Variants in DNM3 observed in about 807,000 individuals in gnomAD.
The protein encoded by DNM3 is dynamin-3.
A neutral mutation model predicts 101.6 loss-of-function variants in DNM3; 47 were observed. The observed-to-expected ratio is 0.46, with a 90% CI of 0.37 to 0.59. The LOEUF (loss-of-function observed/expected upper bound fraction) is 0.59. Among genes scored for constraint, DNM3 ranks in the 20% least tolerant of loss-of-function variants. The pLI, the probability that DNM3 is intolerant of heterozygous loss-of-function variation, is 0.00. For synonymous variants in DNM3, 385 were observed against 387.9 expected, an observed-to-expected ratio of 0.99 and a Z score of 0.09; for missense variants, 849 against 1,085.7, an observed-to-expected ratio of 0.78 and a Z score of 3.06.
chr1:172,255,792 T>C (rs2062373502), intron 15 of DNM3, among the ~76,000 whole-genome samples: 1 of 152,186 alleles, frequency 6.6e-6, no homozygotes, highest in Non-Finnish European at 1.5e-5. Flanking sequence ...CTGGAATCCT[T>C]GTCTTATTTC....
At chr1:171,993,612 C>T (rs1452265671) in intron 4 of DNM3, among the ~76,000 whole-genome samples, 2 of 148,038 alleles carry the variant, frequency 1.4e-5, no homozygotes, top group Non-Finnish European at 3.0e-5. Flanking sequence ...TAGATTAATG[C>T]TTTTTAAGTC....
At chr1:172,016,590 G>T (rs2125728965) in intron 4 of DNM3, among the ~76,000 whole-genome samples, 1 of 152,222 alleles carries the variant, frequency 6.6e-6, no homozygotes, top group East Asian at 1.9e-4. Context: ...TATGGTTTTG[G>T]TATTAGGGTA....
chr1:172,073,267 A>C (rs558820572), intron 11 of DNM3, among the ~76,000 whole-genome samples: 20 of 141,264 alleles, frequency 1.4e-4, no homozygotes, highest in African/African-American at 4.7e-4. Context: ...ACATATACGT[A>C]TATATGCTTA....
In DNM3 at chr1:172,070,512, A is replaced by C. The variant is rs1424549276; in HGVS notation, c.1422+1607A>C. 2.6e-5 allele frequency among the ~76,000 whole-genome samples: 4 copies of C among 152,362 alleles called. No individual in the cohort carries two copies. The East Asian group carries it at 7.7e-4, about 29-fold the overall frequency. On this transcript the variant is annotated intron_variant, in intron 11 of 20. Transcript: ENST00000627582. ...TGGAGAAAATATAGGATAATTATTT[A>C]AAGCATTTTAAATATTTGTAATCAT...
intron 16 of DNM3, among the ~76,000 whole-genome samples, chr1:172,314,430 G>A (rs988104428): frequency 2.0e-5 from 3 of 152,208 alleles, no homozygotes; most frequent in Non-Finnish European, 4.4e-5. Context: ...GAAGCAGGGC[G>A]AGGCATTGCC....
intron 15 of DNM3, among the ~76,000 whole-genome samples, chr1:172,303,927 G>A (rs1350143412): frequency 6.6e-6 from 1 of 152,006 alleles, no homozygotes; most frequent in African/African-American, 2.4e-5. Flanking sequence ...GCAAAAACAT[G>A]CCAAATTGTA....
At chr1:171,999,634 TC>T (rs2046238513) in intron 4 of DNM3, among the ~76,000 whole-genome samples, 1 of 152,060 alleles carries the variant, frequency 6.6e-6, no homozygotes, top group Non-Finnish European at 1.5e-5. Flanking sequence ...CAGTCTACTC[TC>T]CCCCATCCCA....
chr1:172,305,959 T>C (rs1480532263), intron 15 of DNM3, among the ~76,000 whole-genome samples: 3 of 152,210 alleles, frequency 2.0e-5, no homozygotes, highest in Non-Finnish European at 2.9e-5. Flanking sequence ...GCGTTCCCTT[T>C]GAAAACTGGC....
chr1:172,156,131 T>C (rs1462597167), intron 14 of DNM3, among the ~76,000 whole-genome samples: 5 of 152,124 alleles, frequency 3.3e-5, no homozygotes. Context: ...GTGTCCAGTG[T>C]ATATTAAGCA....
intron 14 of DNM3, among the ~76,000 whole-genome samples, chr1:172,234,566 A>G (rs1371887550): frequency 3.9e-5 from 6 of 152,142 alleles, no homozygotes; most frequent in Non-Finnish European, 8.8e-5. Context: ...AAAAGAGCCC[A>G]CATTGCCAAG....
At chr1:172,333,355 A>G (rs542175892) in intron 17 of DNM3, among the ~76,000 whole-genome samples, 287 of 152,304 alleles carry the variant, frequency 1.9e-3, no homozygotes, top group South Asian at 4.1e-3. Flanking sequence ...AAGCTAGAAG[A>G]CCAGGTGAGC....
At chr1:172,336,700 TA>T (rs71717500) in intron 17 of DNM3, among the ~76,000 whole-genome samples, 24,904 of 138,476 alleles carry the variant, frequency 0.18, 2,589 homozygotes, top group Non-Finnish European at 0.25. Flanking sequence ...TCTTTACCTT[TA>T]AAAAAAAAAA....
intron 14 of DNM3, among the ~76,000 whole-genome samples, chr1:172,215,811 A>G (rs2060674691): frequency 6.6e-6 from 1 of 152,036 alleles, no homozygotes; most frequent in Admixed American, 6.6e-5. Context: ...CTAGCTGTTG[A>G]ACCACTGTGT....
At chr1:172,046,508 A>G (rs1034408380) in intron 9 of DNM3, among the ~76,000 whole-genome samples, 1 of 152,044 alleles carries the variant, frequency 6.6e-6, no homozygotes, top group Admixed American at 6.6e-5. Context: ...ATACATATGT[A>G]ACTAACCTGC....
At chr1:172,361,833 T>C (rs972580111) in intron 17 of DNM3, among the ~76,000 whole-genome samples, 3 of 152,134 alleles carry the variant, frequency 2.0e-5, no homozygotes, top group Non-Finnish European at 2.9e-5. Context: ...GCTAGGTCTT[T>C]ATGCTTTTTC....
At chr1:172,097,627 A>T (rs995825629) in intron 13 of DNM3, among the ~76,000 whole-genome samples, 2 of 152,168 alleles carry the variant, frequency 1.3e-5, no homozygotes, top group African/African-American at 2.4e-5. Context: ...ATGGAGAAAG[A>T]AGAACTGGAA....
chr1:171,898,836 C>T (rs910550410), intron 1 of DNM3, among the ~76,000 whole-genome samples: 13 of 151,948 alleles, frequency 8.6e-5, no homozygotes, highest in African/African-American at 2.4e-4. Context: ...ACTTAGTCTA[C>T]AGTGGGTGAT....
chr1:171,930,541 T>C (rs1017899722), intron 2 of DNM3, among the ~76,000 whole-genome samples: 4 of 152,168 alleles, frequency 2.6e-5, no homozygotes, highest in African/African-American at 4.8e-5. Context: ...CTGAATGCCG[T>C]GGTGGAGTGG....
At chr1:172,093,776 C>T (rs535891107) in intron 13 of DNM3, 2 of 1,565,234 alleles carry the variant, frequency 1.3e-6, no homozygotes, top group African/African-American at 2.8e-5. Context: ...TTTAGCTTCC[C>T]AAGGGCACAG....
Sources: allele counts gnomAD v4.1 joint callset (sites outside exome capture counted in the v4.1 genomes callset), GRCh38; gene constraint gnomAD v4.1.1; transcripts MANE v1.5; gene names NCBI Gene and HGNC (gene_info 2026-07-23, HGNC 2026-07-21).